MYO6: variants seen among roughly 807,000 people sequenced by gnomAD.
The protein encoded by MYO6 is myosin VI.
A neutral mutation model predicts 178.7 loss-of-function variants in MYO6; 74 were observed. The ratio of observed to expected loss-of-function variants is 0.41; its 90% CI spans 0.34 to 0.50. The LOEUF (loss-of-function observed/expected upper bound fraction) is 0.50, where lower values mean the gene tolerates loss of function less well. Ranked by LOEUF, MYO6 falls within the 20% of genes least tolerant of loss-of-function variation. The pLI is 0.09. For missense variants in MYO6, 1,330 were observed against 1,547.4 expected (o/e 0.86, Z 2.36); for synonymous variants, 477 against 504.6 (o/e 0.95, Z 0.73).
At chr6:75,818,132 G>A (rs979590725) in intron 2 of MYO6, among the ~76,000 whole-genome samples, 6 of 151,858 alleles carry the variant, frequency 4.0e-5, no homozygotes, top group African/African-American at 1.2e-4. Context: ...AAAGTTTTTT[G>A]TTCACTTAAA....
intron 11 of MYO6, among the ~76,000 whole-genome samples, chr6:75,850,632 T>A (rs1243287526): frequency 6.6e-6 from 1 of 152,216 alleles, no homozygotes; most frequent in Admixed American, 6.5e-5. Context: ...CAACATAACA[T>A]AGTGGATGGG....
chr6:75,892,618 T>C lies in MYO6; in HGVS notation c.3035T>C (p.Leu1012Pro), dbSNP rs757332098. The stretch of plus-strand genomic sequence containing the variant: ...GAGCAGGAGCGCAGGGACCGGGAGC[T>C]GGCCCTGAGGATTGCCCAGAGTGAA... ...VLEQERRDRELALRIAQSEAE... is the reference protein window; with the variant it reads ...VLEQERRDREPALRIAQSEAE... The change falls in exon 28 of 35, where the codon CTG (leucine) becomes CCG (proline). Residue 1012 changes from leucine (L) to proline (P), a missense_variant. Coordinates refer to ENST00000369977, the MANE Select transcript of MYO6 (RefSeq NM_004999.4). 1.5e-5 allele frequency: 25 copies of C among 1,613,242 alleles called. No homozygotes were observed. Among genetic ancestry groups the C allele is most frequent in the African/African-American group, 2.7e-5 (2 of 74,900 alleles).
rs1774684162 is a variant in MYO6, at chr6:75,845,864, G to A, written c.897+887G>A. 2.0e-5 allele frequency among the ~76,000 whole-genome samples: 3 copies of A among 151,428 alleles called. No individual in the cohort carries two copies. In the South Asian group the frequency reaches 6.3e-4, roughly 32 times the overall value. ...TAGCCAGGTGTCGTGGTGTGTGCCTGTAATCCCAGCTACTTGGGAGGCTGA... is the reference window on the plus strand; with the variant it reads ...TAGCCAGGTGTCGTGGTGTGTGCCTATAATCCCAGCTACTTGGGAGGCTGA... On this transcript the variant is annotated intron_variant, in intron 10 of 34. Coordinates refer to ENST00000369977, the MANE Select transcript of MYO6 (RefSeq NM_004999.4).
chr6:75,818,514 G>T (rs1771520890), intron 2 of MYO6, among the ~76,000 whole-genome samples: 1 of 152,102 alleles, frequency 6.6e-6, no homozygotes, highest in Non-Finnish European at 1.5e-5. Context: ...TAATAAGTAT[G>T]CCTGTTAAAC....
rs1781053116 is a variant in MYO6 at position 75,915,107 on chromosome 6, G to A, written c.*95G>A. The A allele has an allele frequency of 1.7e-6, 2 of 1,180,484 alleles. No individual in the cohort carries two copies. The highest frequency in any genetic ancestry group is 2.5e-5 in the East Asian group (1 of 39,292). 73.1% of individuals were successfully genotyped at this position (1,180,484 alleles called of 1,614,324 possible). A position where few individuals can be genotyped will look rare whatever the true frequency, so the allele number is the denominator to read the frequency against. Reference sequence around the variant, plus strand: ...TTAACCATTCCATAATCATGTTAGAGTTACTTCTATAAAGTGAACAGATTT... The same window carrying A: ...TTAACCATTCCATAATCATGTTAGAATTACTTCTATAAAGTGAACAGATTT... On this transcript the variant is annotated 3_prime_UTR_variant, in exon 35 of 35. Coordinates refer to ENST00000369977, the MANE Select transcript of MYO6 (RefSeq NM_004999.4).
At chr6:75,869,335 A>G (rs1295649399) in intron 18 of MYO6, among the ~76,000 whole-genome samples, 1 of 151,836 alleles carries the variant, frequency 6.6e-6, no homozygotes, top group Non-Finnish European at 1.5e-5. Context: ...TAATAGTATC[A>G]CTCACAGGAG....
chr6:75,854,275 C>CTTTTTTTTTTTTT (rs61398235), intron 11 of MYO6, among the ~76,000 whole-genome samples: 3 of 45,498 alleles, frequency 6.6e-5, no homozygotes, highest in African/African-American at 3.3e-4. Context: ...AACTGCATTG[C>CTTTTTTTTTTTTT]TTTTTTTTTT....
chr6:75,796,657 G>A (rs1409999294), intron 1 of MYO6, among the ~76,000 whole-genome samples: 18 of 136,762 alleles, frequency 1.3e-4, no homozygotes, highest in Non-Finnish European at 1.8e-4. Flanking sequence ...TAATTGAGAC[G>A]AAGTCTCACT....
chr6:75,855,044 G>GTTTTTT, intron 11 of MYO6, 95 bp from the exon 12 acceptor site: 1 of 1,159,756 alleles, frequency 8.6e-7, no homozygotes, highest in Non-Finnish European at 1.2e-6. Context: ...CTATTATATG[G>GTTTTTT]TTTTTTGTAA....
intron 18 of MYO6, 57 bp downstream of exon 18, chr6:75,867,162 T>C: frequency 7.4e-7 from 1 of 1,348,932 alleles, no homozygotes; most frequent in Admixed American, 2.1e-5. Context: ...TATTGTTTTA[T>C]ATTCTAAAAT....
chr6:75,755,049 G>A (rs1028145829), intron 1 of MYO6, among the ~76,000 whole-genome samples: 2 of 151,976 alleles, frequency 1.3e-5, no homozygotes, highest in African/African-American at 2.4e-5. Flanking sequence ...TGGGCAACAT[G>A]GTGAAACCCT....
At chr6:75,794,748 AT>A (rs1184244487) in intron 1 of MYO6, among the ~76,000 whole-genome samples, 3,359 of 127,612 alleles carry the variant, frequency 0.026, 90 homozygotes, top group East Asian at 0.14. Flanking sequence ...AATAAAAAAA[AT>A]AAAAAAAAAA....
intron 1 of MYO6, among the ~76,000 whole-genome samples, chr6:75,813,458 A>G (rs1407266558): frequency 2.0e-5 from 3 of 152,212 alleles, no homozygotes; most frequent in African/African-American, 7.2e-5. Context: ...GGGCACATCC[A>G]GAAATGCCAT....
rs1457965956 is a variant in MYO6 at position 75,886,997 on chromosome 6, A to G, written c.2658+3A>G. On this transcript the variant is annotated splice_donor_region_variant and intron_variant, in intron 25 of 34. Coordinates refer to ENST00000369977, the MANE Select transcript of MYO6 (RefSeq NM_004999.4). ...ATACTTTGATGGCCAAAATTAAGGT[A>G]TGTAATTTCAACCCGAATGACTTTG... is the stretch of plus-strand genomic sequence containing the variant. 6.2e-7 allele frequency: 1 copy of G among 1,610,926 alleles called. No homozygotes were observed. The highest frequency in any genetic ancestry group is 8.5e-7 in the Non-Finnish European group (1 of 1,177,336).
intron 20 of MYO6, among the ~76,000 whole-genome samples, chr6:75,875,690 A>G (rs1777519936): frequency 6.6e-6 from 1 of 152,222 alleles, no homozygotes; most frequent in South Asian, 2.1e-4. Flanking sequence ...ACAGATGTGT[A>G]TTCCCTTAGG....
At chr6:75,787,062 G>A (rs541550850) in intron 1 of MYO6, among the ~76,000 whole-genome samples, 134 of 152,226 alleles carry the variant, frequency 8.8e-4, no homozygotes, top group African/African-American at 3.0e-3. Flanking sequence ...TGTGTTTCAC[G>A]ACCTTAAAAT....
intron 20 of MYO6, among the ~76,000 whole-genome samples, chr6:75,877,585 A>G (rs555528602): frequency 4.1e-4 from 62 of 152,150 alleles, no homozygotes; most frequent in African/African-American, 1.5e-3. Context: ...CTATCTTCTG[A>G]TTGGCAAATA....
intron 30 of MYO6, among the ~76,000 whole-genome samples, chr6:75,906,317 G>A (rs1037658026): frequency 2.6e-5 from 4 of 152,110 alleles, no homozygotes; most frequent in Non-Finnish European, 4.4e-5. Context: ...TGAAAAATAA[G>A]TTTATTATTA....
intron 34 of MYO6, 58 bp from the exon 35 acceptor site, chr6:75,914,755 T>A: frequency 6.6e-7 from 1 of 1,524,654 alleles, no homozygotes. Context: ...GGCATACAAC[T>A]GGTAAGAAAT....
Sources: gnomAD v4.1 joint callset for allele counts (sites outside exome capture counted in the v4.1 genomes callset) on GRCh38, gnomAD v4.1.1 for gene constraint, MANE v1.5 for transcripts, NCBI Gene and HGNC (gene_info 2026-07-23, HGNC 2026-07-21) for gene names.